XKR6: variants seen among roughly 807,000 people sequenced by gnomAD.
XKR6 encodes the protein XK-related protein 6.
In XKR6, 22 loss-of-function variants were observed where a neutral mutation model predicts 56.7. The observed-to-expected ratio is 0.39, with a 90% CI of 0.28 to 0.55. The LOEUF (loss-of-function observed/expected upper bound fraction) is 0.55, where lower values mean the gene tolerates loss of function less well. Ranked by LOEUF, XKR6 falls within the 20% of genes least tolerant of loss-of-function variation. XKR6 has a pLI of 0.66. For synonymous variants in XKR6, 524 were observed against 387.8 expected (o/e 1.35, Z -4.13); for missense variants, 852 against 889.0 (o/e 0.96, Z 0.53).
chr8:11,072,837 G>A (rs935627222), intron 1 of XKR6, among the ~76,000 whole-genome samples: 5 of 151,794 alleles, frequency 3.3e-5, no homozygotes, highest in African/African-American at 1.2e-4. Flanking sequence ...ATCACTTGAG[G>A]TCAGGGGTTT....
At chr8:11,190,632 A>G (rs2117126451) in intron 1 of XKR6, among the ~76,000 whole-genome samples, 1 of 152,366 alleles carries the variant, frequency 6.6e-6, no homozygotes, top group East Asian at 1.9e-4. Flanking sequence ...TTAACACATT[A>G]GACTAGACAT....
intron 1 of XKR6, among the ~76,000 whole-genome samples, chr8:10,972,018 C>T (rs1183785441): frequency 1.3e-5 from 2 of 152,192 alleles, no homozygotes; most frequent in East Asian, 3.9e-4. Context: ...TGGACCCTAG[C>T]CCCAGAAGTG....
chr8:10,948,185 C>G (rs1474907857), intron 1 of XKR6, among the ~76,000 whole-genome samples: 1 of 152,188 alleles, frequency 6.6e-6, no homozygotes, highest in Non-Finnish European at 1.5e-5. Flanking sequence ...GGTGAAGAGG[C>G]TGGGCTTCAG....
chr8:11,119,993 TG>T (rs1224577108), intron 1 of XKR6, among the ~76,000 whole-genome samples: 1 of 152,188 alleles, frequency 6.6e-6, no homozygotes, highest in Non-Finnish European at 1.5e-5. Context: ...CAACGCTTCA[TG>T]CTAAAAACTC....
intron 1 of XKR6, among the ~76,000 whole-genome samples, chr8:11,172,162 G>C (rs1802409821): frequency 1.3e-5 from 2 of 151,962 alleles, no homozygotes; most frequent in African/African-American, 4.8e-5. Context: ...CTTGAGCCCA[G>C]GAATTTGAGA....
intron 1 of XKR6, among the ~76,000 whole-genome samples, chr8:11,129,797 G>A (rs886927989): frequency 2.0e-5 from 3 of 152,168 alleles, no homozygotes; most frequent in African/African-American, 7.2e-5. Flanking sequence ...ATCCAGCCAA[G>A]CCAACTGTCT....
chr8:11,178,489 G>A (rs1024004356), intron 1 of XKR6, among the ~76,000 whole-genome samples: 7 of 145,556 alleles, frequency 4.8e-5, no homozygotes, highest in Admixed American at 1.4e-4. Flanking sequence ...TCCTAACCAT[G>A]GAGAAATCAC....
rs1226416937 is a variant in XKR6 at position 10,897,597 on chromosome 8, T to C, written c.*355A>G. 1.1e-5 allele frequency: 2 copies of C among 180,484 alleles called. No individual in the cohort carries two copies. The highest frequency in any genetic ancestry group is 5.9e-5 in the Admixed American group (1 of 16,980). 11.2% of individuals were successfully genotyped at this position (180,484 alleles called of 1,614,324 possible). A position where few individuals can be genotyped will look rare whatever the true frequency, so the allele number is the denominator to read the frequency against. ...ACTTGGTGTAAGGTAAAAAACTTTT[T>C]TTTTTTCTTTTGGAGTGGAGATAAC... is the stretch of plus-strand genomic sequence containing the variant. On this transcript the variant is annotated 3_prime_UTR_variant, in exon 3 of 3. Transcript: ENST00000416569.
chr8:10,925,339 A>C (rs898186158), intron 1 of XKR6, among the ~76,000 whole-genome samples: 6 of 152,148 alleles, frequency 3.9e-5, no homozygotes, highest in African/African-American at 1.4e-4. Flanking sequence ...GTAGGAGGGT[A>C]TGGTTCTCAC....
At chr8:11,060,614 G>A (rs572868739) in intron 1 of XKR6, among the ~76,000 whole-genome samples, 26 of 152,216 alleles carry the variant, frequency 1.7e-4, no homozygotes, top group Admixed American at 5.9e-4. Flanking sequence ...ACAAAGAGGA[G>A]GTTACACTTC....
intron 1 of XKR6, among the ~76,000 whole-genome samples, chr8:11,180,750 T>A (rs544115858): frequency 3.0e-4 from 46 of 151,076 alleles, no homozygotes; most frequent in African/African-American, 1.1e-3. Flanking sequence ...ACAAAAAAAA[T>A]ATAAAAATTA....
At chr8:11,061,402 G>A (rs1799830420) in intron 1 of XKR6, among the ~76,000 whole-genome samples, 1 of 152,210 alleles carries the variant, frequency 6.6e-6, no homozygotes, top group African/African-American at 2.4e-5. Context: ...GGGAGGCTGA[G>A]GATGCAGTGA....
intron 1 of XKR6, among the ~76,000 whole-genome samples, chr8:10,965,351 G>A (rs1189990668): frequency 6.6e-6 from 1 of 152,166 alleles, no homozygotes; most frequent in Non-Finnish European, 1.5e-5. Context: ...GCTCCTCCGA[G>A]CACCACGGTC....
intron 1 of XKR6, among the ~76,000 whole-genome samples, chr8:11,148,603 T>C (rs67418928): frequency 0.22 from 33,198 of 152,210 alleles, 4,409 homozygotes; most frequent in Non-Finnish European, 0.3. Flanking sequence ...TCAACTACTC[T>C]GGAAAACAGT....
Position 10,898,509 on chromosome 8 carries a change from T to C in XKR6, c.1369A>G (p.Thr457Ala). The part of the protein sequence containing the change: ...TIVLTENAAL[T>A]FLWYFYRDPE... ...TCTCTGTAAAAATACCAAAGGAACG[T>C]CAAGGCAGCATTCTCGGTCAAGACT... is the stretch of plus-strand genomic sequence containing the variant. The change falls in exon 3 of 3, where the codon ACG becomes GCG. Residue 457 changes from threonine (T) to alanine (A), a missense_variant. Thr to Ala is a moderately conservative substitution (Grantham distance 58). This residue lies in a region of XKR6 where 197 missense variants were observed against 190.9 expected (regional missense o/e 1.03). Transcript: ENST00000416569. This position sits in a 1 kb window ranked among gnomAD's most constrained non-coding sequence, Gnocchi z 6.6. 2.5e-6 allele frequency: 4 copies of C among 1,613,934 alleles called. No homozygotes were observed. The highest frequency in any genetic ancestry group is 3.4e-6 in the Non-Finnish European group (4 of 1,179,988).
At chr8:10,955,279 C>T (rs953392046) in intron 1 of XKR6, among the ~76,000 whole-genome samples, 8 of 152,152 alleles carry the variant, frequency 5.3e-5, no homozygotes, top group Admixed American at 2.0e-4. Flanking sequence ...CTCAAGAAAT[C>T]CTCCCACCTC....
rs893340792 is a variant in XKR6 at position 11,201,048 on chromosome 8, G to C, written c.292C>G (p.Pro98Ala). The C allele has an allele frequency of 3.3e-6, 4 of 1,216,470 alleles. No individual in the cohort carries two copies. The African/African-American group carries it at 6.4e-5, about 19-fold the overall frequency. The allele number at this position is 1,216,470 out of a possible 1,614,324, so 75.4% of individuals were successfully genotyped here. Residue 98 changes from proline (P) to alanine (A), a missense_variant, in exon 1 of 3, where the codon CCC becomes GCC. Pro to Ala is a conservative substitution (Grantham distance 27, BLOSUM62 -1). Coordinates refer to ENST00000416569, the MANE Select transcript of XKR6 (RefSeq NM_173683.4). The part of the protein sequence containing the change: ...ADGGDQPLQP[P>A]AAPGAGRQPP... ...TGGCGGCCGGCGCCGGGGGCCGCGGGAGGCTGCAGCGGCTGGTCCCCCCCG... is the reference window on the plus strand; with the variant it reads ...TGGCGGCCGGCGCCGGGGGCCGCGGCAGGCTGCAGCGGCTGGTCCCCCCCG...
At chr8:11,165,181 C>T (rs939846018) in intron 1 of XKR6, among the ~76,000 whole-genome samples, 3 of 143,366 alleles carry the variant, frequency 2.1e-5, no homozygotes, top group Non-Finnish European at 4.5e-5. Flanking sequence ...CTCACTGCAA[C>T]CTCCGCCTCC....
At chr8:10,916,099 G>A (rs1586301621) in intron 2 of XKR6, among the ~76,000 whole-genome samples, 1 of 152,260 alleles carries the variant, frequency 6.6e-6, no homozygotes, top group South Asian at 2.1e-4. Context: ...TGGAGAAGGA[G>A]GGGCTCTGCT....
Sources: gnomAD v4.1 joint callset for allele counts (sites outside exome capture counted in the v4.1 genomes callset) on GRCh38, gnomAD v4.1.1 for gene constraint, gnomAD v4.1.1 regional missense constraint, Gnocchi (gnomAD v3.1) non-coding constraint, MANE v1.5 for transcripts, NCBI Gene and HGNC (gene_info 2026-07-23, HGNC 2026-07-21) for gene names.